Variants in LRRC9 observed in about 807,000 individuals in gnomAD.
LRRC9 encodes leucine-rich repeat-containing protein 9.
LRRC9 carries 122 observed loss-of-function variants against 63.2 expected under a neutral mutation model. The observed-to-expected ratio is 1.93, with a 90% CI of 1.67 to 2.24. The LOEUF (loss-of-function observed/expected upper bound fraction) is 2.24. Among genes scored for constraint, LRRC9 ranks in the 30% most tolerant of loss-of-function variants. The pLI, the probability that LRRC9 is intolerant of heterozygous loss-of-function variation, is 0.00. For missense variants in LRRC9, 1,071 were observed against 627.7 expected (o/e 1.71, Z -7.55); for synonymous variants, 366 against 213.1 (o/e 1.72, Z -6.25).
At chr14:59,998,137 T>C (rs1888992763) in intron 18 of LRRC9, among the ~76,000 whole-genome samples, 1 of 152,032 alleles carries the variant, frequency 6.6e-6, no homozygotes, top group South Asian at 2.1e-4. Context: ...CCTCCAGATA[T>C]TTTATATAGT....
chr14:59,984,459 T>C (rs1887249008), intron 16 of LRRC9, among the ~76,000 whole-genome samples: 1 of 152,212 alleles, frequency 6.6e-6, no homozygotes. Flanking sequence ...TTGATACCAC[T>C]CATAATGGTA....
intron 10 of LRRC9, among the ~76,000 whole-genome samples, chr14:59,963,610 T>C (rs1010979631): frequency 3.3e-5 from 5 of 152,104 alleles, no homozygotes; most frequent in Non-Finnish European, 5.9e-5. Context: ...TTATAAGACA[T>C]AACATCTAGC....
chr14:59,940,818 T>G (rs1412938695), intron 7 of LRRC9, among the ~76,000 whole-genome samples: 4 of 152,132 alleles, frequency 2.6e-5, no homozygotes, highest in African/African-American at 9.6e-5. Context: ...AAATTTTGTC[T>G]TAGTACAAAC....
chr14:60,049,118 T>C (rs1008053867), intron 29 of LRRC9, among the ~76,000 whole-genome samples: 16 of 152,198 alleles, frequency 1.1e-4, no homozygotes, highest in African/African-American at 3.9e-4. Context: ...AAACTAGTTA[T>C]TGAAGGAATA....
chr14:60,007,748 C>T (rs141328426), intron 22 of LRRC9, among the ~76,000 whole-genome samples: 2 of 151,762 alleles, frequency 1.3e-5, no homozygotes, highest in Non-Finnish European at 2.9e-5. Context: ...CAAAATATAC[C>T]TAAGTGGTCT....
chr14:60,059,906 A>G (rs942795108), intron 31 of LRRC9, among the ~76,000 whole-genome samples: 3 of 152,252 alleles, frequency 2.0e-5, no homozygotes, highest in Non-Finnish European at 2.9e-5. Flanking sequence ...GAGATTTTCA[A>G]TGTAGATGCA....
At chr14:60,023,109 C>A (rs1595049058) in intron 27 of LRRC9, among the ~76,000 whole-genome samples, 1 of 151,562 alleles carries the variant, frequency 6.6e-6, no homozygotes, top group Non-Finnish European at 1.5e-5. Context: ...ACTTGTATAT[C>A]GTATTCAACT....
intron 8 of LRRC9, among the ~76,000 whole-genome samples, chr14:59,945,262 T>A (rs923841568): frequency 2.6e-5 from 4 of 151,982 alleles, no homozygotes; most frequent in Admixed American, 2.6e-4. Context: ...ATTGGATTTC[T>A]TTTACTAAAA....
In LRRC9 at chr14:60,058,161, A is replaced by G; in HGVS notation, c.4276+139A>G. The G allele has an allele frequency of 2.2e-6, 1 of 458,256 alleles. No homozygotes were observed. The highest frequency in any genetic ancestry group is 3.9e-6 in the Non-Finnish European group (1 of 254,270). 28.4% of individuals were successfully genotyped at this position (458,256 alleles called of 1,614,324 possible). ...AATTGCATGTTTGCTCAAGTTTCCT[A>G]TGGCCATTTTGATTTCAGAGATTAT... On this transcript the variant is annotated intron_variant, in intron 31 of 31. Transcript: ENST00000445360. This position sits in a 1 kb window ranked among gnomAD's most constrained non-coding sequence, Gnocchi z 4.4.
chr14:59,949,531 T>C (rs1183212828), intron 8 of LRRC9, among the ~76,000 whole-genome samples: 8 of 151,482 alleles, frequency 5.3e-5, no homozygotes, highest in Non-Finnish European at 8.8e-5. Context: ...TGATTTTAGT[T>C]ATTTCTTGCC....
chr14:60,053,269 A>G lies in LRRC9; in HGVS notation c.4131+64A>G. 3.1e-6 allele frequency: 2 copies of G among 649,264 alleles called. No homozygotes were observed. Among genetic ancestry groups the G allele is most frequent in the Non-Finnish European group, 2.8e-6 (1 of 359,058 alleles). 40.2% of individuals were successfully genotyped at this position (649,264 alleles called of 1,614,324 possible). On this transcript the variant is annotated intron_variant, in intron 30 of 31. Transcript: ENST00000445360. The surrounding 1 kb of genome is among the most constrained non-coding windows in gnomAD (Gnocchi z 4.8). ...CATTAATGGTTAGTAAATGAACATTATATCTTTTGATTTAAATGTTTAAAC... is the reference window on the plus strand; with the variant it reads ...CATTAATGGTTAGTAAATGAACATTGTATCTTTTGATTTAAATGTTTAAAC...
chr14:60,057,606 C>T lies in LRRC9; in HGVS notation c.4132-272C>T, dbSNP rs55884899. On this transcript the variant is annotated intron_variant, in intron 30 of 31. Coordinates refer to ENST00000445360, the Ensembl canonical transcript of LRRC9. The stretch of plus-strand genomic sequence containing the variant: ...CCTTGTTGAGACCCTTTGGAAAGGG[C>T]GAGTTGCCATTAAGCACTAGATTCT... 3.1e-3 allele frequency: 639 copies of T among 205,296 alleles called. 12 individuals carry two copies. In the Admixed American group the frequency reaches 0.032, roughly 10 times the overall value. The allele number at this position is 205,296 out of a possible 1,614,324, so 12.7% of individuals were successfully genotyped here.
chr14:60,025,996 A>C (rs1395198763), intron 27 of LRRC9, among the ~76,000 whole-genome samples: 2 of 152,108 alleles, frequency 1.3e-5, no homozygotes, highest in African/African-American at 4.8e-5. Flanking sequence ...GAGGTACTAA[A>C]GCTAAAGTCA....
At position 60,013,193 on chromosome 14, in the gene LRRC9, T is replaced by C. The variant is rs187963635; in HGVS notation, c.3187-3467T>C. Among the ~76,000 whole-genome samples the C allele has an allele frequency of 2.4e-3, 353 of 149,910 alleles. 2 individuals carry two copies. The highest frequency in any genetic ancestry group is 8.3e-3 in the African/African-American group (338 of 40,852). ...AACAAGAGAAGCAGAACTAGTAAGA[T>C]AGATATACATATAGAGATATCTATG... On this transcript the variant is annotated intron_variant, in intron 23 of 31. Transcript: ENST00000445360.
intron 21 of LRRC9, among the ~76,000 whole-genome samples, chr14:60,005,141 A>C (rs1318220098): frequency 6.6e-6 from 1 of 152,140 alleles, no homozygotes; most frequent in Non-Finnish European, 1.5e-5. Context: ...GAAAGCATAC[A>C]TAACATTTGT....
chr14:59,938,417 T>C lies in LRRC9; in HGVS notation c.571T>C (p.Cys191Arg). ...ACTCACGAACTTAACCAGGCTGCCT[T>C]GCTTAAAGGATTTATGTCTGAATGA... is the stretch of plus-strand genomic sequence containing the variant. Residue 191 changes from cysteine (C) to arginine (R), a missense_variant, in exon 7 of 32, where the codon TGC becomes CGC. Coordinates refer to ENST00000445360, the Ensembl canonical transcript of LRRC9. The surrounding 1 kb of genome is among the most constrained non-coding windows in gnomAD (Gnocchi z 4.2). 1.4e-6 allele frequency: 1 copy of C among 691,760 alleles called. No homozygotes were observed. The highest frequency in any genetic ancestry group is 2.6e-6 in the Non-Finnish European group (1 of 380,382). The allele number at this position is 691,760 out of a possible 1,614,324, so 42.9% of individuals were successfully genotyped here.
At chr14:60,034,727 T>A (rs1192157037) in intron 29 of LRRC9, among the ~76,000 whole-genome samples, 1 of 152,238 alleles carries the variant, frequency 6.6e-6, no homozygotes, top group Non-Finnish European at 1.5e-5. Context: ...TATACTATAT[T>A]TTCTTTATCC....
intron 27 of LRRC9, among the ~76,000 whole-genome samples, chr14:60,024,933 T>C (rs1388472575): frequency 1.3e-5 from 2 of 152,018 alleles, no homozygotes; most frequent in African/African-American, 2.4e-5. Context: ...ATTTTCTGTT[T>C]CTGAGTTAGC....
chr14:60,038,806 G>A (rs901721238), intron 29 of LRRC9, among the ~76,000 whole-genome samples: 1 of 152,192 alleles, frequency 6.6e-6, no homozygotes, highest in Non-Finnish European at 1.5e-5. Context: ...ACACTATGTT[G>A]AATAGGAGTG....
Sources: gnomAD v4.1 joint callset for allele counts (sites outside exome capture counted in the v4.1 genomes callset) on GRCh38, gnomAD v4.1.1 for gene constraint, Gnocchi (gnomAD v3.1) non-coding constraint, MANE v1.5 for transcripts, NCBI Gene and HGNC (gene_info 2026-07-23, HGNC 2026-07-21) for gene names.